Variants in MYH10 observed in about 807,000 individuals in gnomAD.
MYH10 encodes myosin-10.
A neutral mutation model predicts 257.8 loss-of-function variants in MYH10; 55 were observed. The observed-to-expected ratio is 0.21, with a 90% confidence interval of 0.17 to 0.27. The LOEUF (loss-of-function observed/expected upper bound fraction) is 0.27, where lower values mean the gene tolerates loss of function less well. MYH10 is among the 10% of genes least tolerant of loss of function. MYH10 has a pLI of 1.00. For synonymous variants in MYH10, 854 were observed against 921.7 expected (o/e 0.93, Z 1.33); for missense variants, 1,631 against 2,500.6 (o/e 0.65, Z 7.42).
intron 3 of MYH10, among the ~76,000 whole-genome samples, chr17:8,589,921 A>G (rs1375733188): frequency 1.3e-5 from 2 of 152,162 alleles, no homozygotes; most frequent in African/African-American, 4.8e-5. Flanking sequence ...GAGGCTAGGT[A>G]ATCCTCCCAA....
At chr17:8,584,724 T>G (rs1344032093) in intron 4 of MYH10, among the ~76,000 whole-genome samples, 2 of 152,204 alleles carry the variant, frequency 1.3e-5, no homozygotes, top group East Asian at 3.8e-4. Context: ...TAAAGGGGCT[T>G]GCATTCCTCA....
At chr17:8,480,074 G>A (rs771316437) in intron 40 of MYH10, 36 bp downstream of exon 40, 1 of 1,603,722 alleles carries the variant, frequency 6.2e-7, no homozygotes, top group African/African-American at 1.3e-5. Flanking sequence ...GAGCCTAGTT[G>A]GTAAGTTTTG....
In MYH10 at chr17:8,506,620, G is replaced by T; in HGVS notation, c.3215-131C>A. ...AAGCATGTCACTGCCCTGATGACAT[G>T]GTCATGCGCTGATGTCAACTGCTCA... On this transcript the variant is annotated intron_variant, in intron 26 of 42. Coordinates refer to ENST00000360416, the MANE Select transcript of MYH10 (RefSeq NM_001256012.3). This position sits in a 1 kb window ranked among gnomAD's most constrained non-coding sequence, Gnocchi z 5.0. The T allele has an allele frequency of 1.1e-6, 1 of 906,380 alleles. No homozygotes were observed. The highest frequency in any genetic ancestry group is 1.7e-6 in the Non-Finnish European group (1 of 603,150). The allele number at this position is 906,380 out of a possible 1,614,324, so 56.1% of individuals were successfully genotyped here. A position where few individuals can be genotyped will look rare whatever the true frequency, so the allele number is the denominator to read the frequency against.
At chr17:8,629,825 G>T (rs2085835018) in intron 1 of MYH10, among the ~76,000 whole-genome samples, 1 of 151,520 alleles carries the variant, frequency 6.6e-6, no homozygotes, top group African/African-American at 2.4e-5. Context: ...CTCGCAGGGC[G>T]TCCACCCCCG....
intron 3 of MYH10, among the ~76,000 whole-genome samples, chr17:8,593,876 G>T (rs746050893): frequency 1.3e-5 from 2 of 152,152 alleles, no homozygotes; most frequent in African/African-American, 4.8e-5. Flanking sequence ...CTAAAATAAA[G>T]AATTTTTTAA....
At chr17:8,512,054 A>ATGAC (rs1164567886) in intron 24 of MYH10, among the ~76,000 whole-genome samples, 1 of 152,230 alleles carries the variant, frequency 6.6e-6, no homozygotes, top group Non-Finnish European at 1.5e-5. Flanking sequence ...CTCCTATGTC[A>ATGAC]GTGCTGAGCG....
intron 42 of MYH10, 92 bp downstream of exon 42, chr17:8,476,784 T>A: frequency 7.3e-7 from 1 of 1,374,138 alleles, no homozygotes; most frequent in Non-Finnish European, 9.8e-7. Context: ...TGGGTATGGA[T>A]CTAAGTAAAC....
chr17:8,564,566 T>C (rs971437919), intron 7 of MYH10, among the ~76,000 whole-genome samples: 18 of 152,152 alleles, frequency 1.2e-4, no homozygotes, highest in African/African-American at 4.1e-4. Context: ...TGAAAACATA[T>C]TAAAGTTAAC....
In MYH10 at chr17:8,535,120, C is replaced by T. The variant is rs891993804; in HGVS notation, c.1894+267G>A. 1.3e-5 allele frequency among the ~76,000 whole-genome samples: 2 copies of T among 152,094 alleles called. No individual in the cohort carries two copies. Among genetic ancestry groups the T allele is most frequent in the Non-Finnish European group, 1.5e-5 (1 of 68,030 alleles). On this transcript the variant is annotated intron_variant, in intron 16 of 42. Coordinates refer to ENST00000360416, the MANE Select transcript of MYH10 (RefSeq NM_001256012.3). The surrounding 1 kb of genome is among the most constrained non-coding windows in gnomAD (Gnocchi z 4.3). ...TGGGACTGTGGTGGCCTAAGTCATA[C>T]GTGTACGTCTTTGTGGCTCCGGGCC...
At chr17:8,593,796 T>C (rs444629) in intron 3 of MYH10, among the ~76,000 whole-genome samples, 147,635 of 152,170 alleles carry the variant, frequency 0.97, 71,788 homozygotes, top group Middle Eastern at 1. Context: ...ATCAAAATGT[T>C]AGCAGGATAT....
At chr17:8,604,633 T>G (rs1249134577) in intron 3 of MYH10, among the ~76,000 whole-genome samples, 193 bp downstream of exon 3, 1 of 152,218 alleles carries the variant, frequency 6.6e-6, no homozygotes, top group Non-Finnish European at 1.5e-5. Flanking sequence ...CAAACATACT[T>G]ATCATACTTA....
chr17:8,543,199 A>T (rs936287430), intron 13 of MYH10, among the ~76,000 whole-genome samples: 3 of 152,144 alleles, frequency 2.0e-5, no homozygotes, highest in Non-Finnish European at 4.4e-5. Context: ...ATTAAAGAGG[A>T]TTTAACCCAT....
In MYH10 at chr17:8,614,307, CTTTTTTTTTTTTTTT is replaced by C. The variant is rs35801623; in HGVS notation, c.345+8580_345+8594del. ...GATTTAGAAAGTAAGCAATTCACTT[CTTTTTTTTTTTTTTT>C]TTTTTTTTTTTGAGATGGATTCTCG... On this transcript the variant is annotated intron_variant, in intron 2 of 42. Transcript: ENST00000360416. Among the ~76,000 whole-genome samples, 7 of 77,122 alleles carry C rather than the reference CTTTTTTTTTTTTTTT, an allele frequency of 9.1e-5. No homozygotes were observed. The East Asian group carries it at 2.3e-3, about 26-fold the overall frequency. The allele number at this position is 77,122 out of a possible 152,430, so 50.6% of individuals were successfully genotyped here.
intron 3 of MYH10, among the ~76,000 whole-genome samples, chr17:8,600,219 T>C (rs1265559180): frequency 1.3e-5 from 2 of 152,070 alleles, no homozygotes; most frequent in South Asian, 4.1e-4. Flanking sequence ...GAATAACCAA[T>C]GAACAACGGG....
intron 16 of MYH10, among the ~76,000 whole-genome samples, chr17:8,532,099 C>T (rs1272902208): frequency 2.0e-5 from 3 of 152,214 alleles, no homozygotes; most frequent in South Asian, 4.1e-4. Context: ...TCAGATGAAA[C>T]TAACTGTCCA....
intron 7 of MYH10, among the ~76,000 whole-genome samples, chr17:8,562,802 GAT>G (rs1346816809): frequency 2.6e-5 from 4 of 152,134 alleles, no homozygotes; most frequent in African/African-American, 9.7e-5. Context: ...ACTTGTTAAG[GAT>G]TTCACTCAAA....
At chr17:8,518,066 G>C (rs551171384) in intron 21 of MYH10, among the ~76,000 whole-genome samples, 1 of 133,304 alleles carries the variant, frequency 7.5e-6, no homozygotes, top group African/African-American at 2.8e-5. Flanking sequence ...CATTCTCTGA[G>C]GACTTGAGCT....
chr17:8,507,252 C>A (rs1389151947), intron 26 of MYH10, among the ~76,000 whole-genome samples: 2 of 152,194 alleles, frequency 1.3e-5, no homozygotes, highest in Non-Finnish European at 2.9e-5. Context: ...TTTGTTTATA[C>A]TAAAACAAAC....
intron 3 of MYH10, among the ~76,000 whole-genome samples, chr17:8,603,139 T>A (rs1411360774): frequency 6.6e-6 from 1 of 152,224 alleles, no homozygotes; most frequent in African/African-American, 2.4e-5. Flanking sequence ...CAACTCCTCA[T>A]TCAACCTGTC....
Sources: allele counts gnomAD v4.1 joint callset (sites outside exome capture counted in the v4.1 genomes callset), GRCh38; gene constraint gnomAD v4.1.1; non-coding constraint Gnocchi (gnomAD v3.1); transcripts MANE v1.5; gene names NCBI Gene and HGNC (gene_info 2026-07-23, HGNC 2026-07-21).